Variants in CEP350 observed in about 807,000 individuals in gnomAD.
CEP350 encodes the protein centrosome-associated protein 350.
CEP350 carries 126 observed loss-of-function variants against 331.8 expected under a neutral mutation model. That is an observed-to-expected ratio of 0.38 (90% CI 0.33 to 0.44). CEP350 has a LOEUF of 0.44. Ranked by LOEUF, CEP350 falls within the 20% of genes least tolerant of loss-of-function variation. The pLI is 1.00. For synonymous variants in CEP350, 1,200 were observed against 1,259.5 expected, an observed-to-expected ratio of 0.95 and a Z score of 1.00; for missense variants, 3,406 against 3,634.6, an observed-to-expected ratio of 0.94 and a Z score of 1.62.
At chr1:180,106,607 C>G (rs905703353) in intron 37 of CEP350, among the ~76,000 whole-genome samples, 2 of 152,052 alleles carry the variant, frequency 1.3e-5, no homozygotes, top group African/African-American at 4.8e-5. Context: ...TGTTCTGTCA[C>G]CCAGGCTGGA....
chr1:180,002,614 C>T (rs1653941831), intron 6 of CEP350, among the ~76,000 whole-genome samples: 1 of 151,718 alleles, frequency 6.6e-6, no homozygotes, highest in South Asian at 2.1e-4. Flanking sequence ...GATATAATAC[C>T]CAAGGGAATT....
At chr1:180,070,592 T>TCA (rs546690287) in intron 27 of CEP350, among the ~76,000 whole-genome samples, 2 of 151,928 alleles carry the variant, frequency 1.3e-5, no homozygotes, top group Non-Finnish European at 2.9e-5. Context: ...TTTCCTCAGG[T>TCA]CACACACACA....
chr1:180,043,906 C>A, intron 20 of CEP350, 145 bp from the exon 21 acceptor site: 1 of 673,882 alleles, frequency 1.5e-6, no homozygotes, highest in Non-Finnish European at 2.2e-6. Context: ...CTTAGTAAAA[C>A]AGAAGATATT....
chr1:180,099,691 C>T (rs1660683792), intron 37 of CEP350, among the ~76,000 whole-genome samples: 1 of 151,778 alleles, frequency 6.6e-6, no homozygotes. Flanking sequence ...CATGTATGTA[C>T]CTCTCTAGTG....
intron 1 of CEP350, among the ~76,000 whole-genome samples, chr1:179,957,216 G>A (rs1650233861): frequency 6.6e-6 from 1 of 152,000 alleles, no homozygotes; most frequent in South Asian, 2.1e-4. Flanking sequence ...AAACATTCAA[G>A]CCACATGATC....
chr1:180,037,726 T>C (rs1357923984), intron 17 of CEP350, among the ~76,000 whole-genome samples: 1 of 152,180 alleles, frequency 6.6e-6, no homozygotes, highest in Non-Finnish European at 1.5e-5. Context: ...CTCGGCTCAC[T>C]GCAAGCTCCG....
intron 26 of CEP350, among the ~76,000 whole-genome samples, chr1:180,062,929 A>AT (rs879544520): frequency 6.6e-6 from 1 of 152,074 alleles, no homozygotes; most frequent in Non-Finnish European, 1.5e-5. Flanking sequence ...TGAGAGTTTT[A>AT]TTTTTTTCCT....
rs142037657 is a variant in CEP350, at chr1:180,043,708, A to G, written c.4500-343A>G. On this transcript the variant is annotated intron_variant, in intron 20 of 37. Coordinates refer to ENST00000367607, the MANE Select transcript of CEP350 (RefSeq NM_014810.5). ...TTGCAGACTTAGGATTTTGGAGTTTATTCTAGGAGCAATGAAGTCATTAAA... is the reference window on the plus strand; with the variant it reads ...TTGCAGACTTAGGATTTTGGAGTTTGTTCTAGGAGCAATGAAGTCATTAAA... Among the ~76,000 whole-genome samples the G allele has an allele frequency of 8.0e-3, 1,211 of 152,032 alleles. 10 individuals carry two copies. Among genetic ancestry groups the G allele is most frequent in the South Asian group, 0.023 (110 of 4,818 alleles).
At chr1:180,024,248 C>T (rs1655518087) in intron 13 of CEP350, among the ~76,000 whole-genome samples, 171 bp from the exon 14 acceptor site, 1 of 151,662 alleles carries the variant, frequency 6.6e-6, no homozygotes, top group South Asian at 2.1e-4. Context: ...ATAAATTGAA[C>T]CATAGGGAAC....
In CEP350 at chr1:179,996,558, T is replaced by C. The variant is rs1653469658; in HGVS notation, c.401T>C (p.Ile134Thr). 1.3e-6 allele frequency: 2 copies of C among 1,544,576 alleles called. No homozygotes were observed. Among genetic ancestry groups the C allele is most frequent in the Admixed American group, 4.0e-5 (2 of 49,972 alleles). Reference sequence around the variant, plus strand: ...CTTATTATTTTTTATTGTAGGGAAATCCATGGTGCACCTTCCAATTTCAGT... The same window carrying C: ...CTTATTATTTTTTATTGTAGGGAAACCCATGGTGCACCTTCCAATTTCAGT... The part of the protein sequence containing the change: ...FREPLVSYRE[I>T]HGAPSNFSSS... Residue 134 changes from isoleucine to threonine, a missense_variant, in exon 6 of 38, where the codon ATC (isoleucine) becomes ACC (threonine). By Grantham distance (89) the Ile-to-Thr change is moderately conservative. This residue lies in a region of CEP350 where 1,857 missense variants were observed against 1,909.2 expected (regional missense o/e 0.97). Coordinates refer to ENST00000367607, the MANE Select transcript of CEP350 (RefSeq NM_014810.5).
chr1:180,102,337 T>C (rs1250606367), intron 37 of CEP350, among the ~76,000 whole-genome samples: 1 of 152,118 alleles, frequency 6.6e-6, no homozygotes, highest in East Asian at 1.9e-4. Context: ...GGTTTCACCA[T>C]GTTGGCCAGG....
intron 1 of CEP350, among the ~76,000 whole-genome samples, chr1:179,958,656 A>G (rs963651491): frequency 4.6e-5 from 7 of 152,190 alleles, no homozygotes; most frequent in Non-Finnish European, 1.0e-4. Context: ...AGTCAACTAT[A>G]AATTGGATAT....
intron 37 of CEP350, among the ~76,000 whole-genome samples, chr1:180,110,384 G>A (rs1048051709): frequency 2.0e-5 from 3 of 152,182 alleles, no homozygotes; most frequent in African/African-American, 7.2e-5. Context: ...TATGGGGGCA[G>A]CAGCAGCGAG....
At chr1:180,010,996 TC>T (rs1416460222) in intron 8 of CEP350, among the ~76,000 whole-genome samples, 1 of 152,162 alleles carries the variant, frequency 6.6e-6, no homozygotes, top group Non-Finnish European at 1.5e-5. Context: ...TCTTTTTTTT[TC>T]ATTTCTTTTT....
intron 7 of CEP350, among the ~76,000 whole-genome samples, chr1:180,006,055 T>C (rs1411102864): frequency 1.3e-5 from 2 of 152,194 alleles, no homozygotes; most frequent in Non-Finnish European, 2.9e-5. Context: ...AAGAATATTA[T>C]ATTGAGTATT....
At chr1:180,022,168 A>G (rs886227741) in intron 12 of CEP350, among the ~76,000 whole-genome samples, 2 of 152,104 alleles carry the variant, frequency 1.3e-5, no homozygotes, top group African/African-American at 4.8e-5. Context: ...GTTTAGCCAC[A>G]TTTCTATTAG....
chr1:180,057,837 A>G (rs1046040447), intron 25 of CEP350, among the ~76,000 whole-genome samples: 20 of 152,200 alleles, frequency 1.3e-4, no homozygotes, highest in Non-Finnish European at 1.3e-4. Flanking sequence ...GGAAACCCAG[A>G]TAATACTTTT....
At chr1:180,079,095 T>C (rs893486398) in intron 29 of CEP350, among the ~76,000 whole-genome samples, 1 of 152,152 alleles carries the variant, frequency 6.6e-6, no homozygotes, top group Non-Finnish European at 1.5e-5. Flanking sequence ...AAGGCAGCTC[T>C]GAAACAGTTA....
chr1:180,075,973 G>T (rs766328247), intron 28 of CEP350, among the ~76,000 whole-genome samples: 6 of 151,764 alleles, frequency 4.0e-5, no homozygotes, highest in Non-Finnish European at 5.9e-5. Flanking sequence ...AAAAAAAATT[G>T]TAATAACTTT....
Sources: gnomAD v4.1 joint callset for allele counts (sites outside exome capture counted in the v4.1 genomes callset) on GRCh38, gnomAD v4.1.1 for gene constraint, gnomAD v4.1.1 regional missense constraint, MANE v1.5 for transcripts, NCBI Gene and HGNC (gene_info 2026-07-23, HGNC 2026-07-21) for gene names.